Variants in TTLL7 observed in about 807,000 individuals in gnomAD.
TTLL7 encodes tubulin polyglutamylase TTLL7.
TTLL7 carries 53 observed loss-of-function variants against 120.2 expected under a neutral mutation model. The ratio of observed to expected loss-of-function variants is 0.44; its 90% CI spans 0.35 to 0.55. The LOEUF (loss-of-function observed/expected upper bound fraction) is 0.55. TTLL7 is among the 20% of genes least tolerant of loss of function. The probability of loss-of-function intolerance (pLI) is 0.00; values close to 1 mark genes in which losing one functional copy is unlikely to be tolerated. For synonymous variants in TTLL7, 353 were observed against 351.7 expected (o/e 1.00, Z -0.04); for missense variants, 803 against 1,054.7 (o/e 0.76, Z 3.31).
chr1:83,915,603 C>T (rs1217899176), intron 14 of TTLL7, among the ~76,000 whole-genome samples: 17 of 152,070 alleles, frequency 1.1e-4, no homozygotes, highest in Admixed American at 1.1e-3. Context: ...ATGTCTAAAA[C>T]ACCAAAAGCA....
chr1:83,882,503 A>G (rs1037974803), intron 20 of TTLL7, among the ~76,000 whole-genome samples: 7 of 151,966 alleles, frequency 4.6e-5, no homozygotes, highest in Non-Finnish European at 7.4e-5. Context: ...CATTTTTCAA[A>G]TAGAACTTGA....
At chr1:83,919,450 T>C (rs1658462913) in intron 13 of TTLL7, among the ~76,000 whole-genome samples, 1 of 152,146 alleles carries the variant, frequency 6.6e-6, no homozygotes, top group Admixed American at 6.6e-5. Context: ...TGTAAGAAGA[T>C]ACGTTATTAT....
At chr1:83,989,023 A>G (rs1006392978) in intron 1 of TTLL7, among the ~76,000 whole-genome samples, 1 of 151,962 alleles carries the variant, frequency 6.6e-6, no homozygotes, top group African/African-American at 2.4e-5. Context: ...CCCACCTTTT[A>G]ATGGTGTTGT....
At chr1:83,942,304 T>C (rs549454881) in intron 7 of TTLL7, among the ~76,000 whole-genome samples, 159 bp downstream of exon 7, 1 of 152,338 alleles carries the variant, frequency 6.6e-6, no homozygotes, top group Admixed American at 6.5e-5. Flanking sequence ...AAGCTGCCTG[T>C]AAGTTAAAAG....
At chr1:83,958,251 GA>G (rs1649701790) in intron 1 of TTLL7, among the ~76,000 whole-genome samples, 1 of 152,082 alleles carries the variant, frequency 6.6e-6, no homozygotes, top group African/African-American at 2.4e-5. Context: ...CAATGATATT[GA>G]AAAACAAGTT....
In TTLL7 at chr1:83,869,972, C is replaced by A; in HGVS notation, c.2654G>T (p.Gly885Val). The A allele has an allele frequency of 1.9e-6, 3 of 1,592,840 alleles. No individual in the cohort carries two copies. The highest frequency in any genetic ancestry group is 1.7e-6 in the Non-Finnish European group (2 of 1,173,230). Reference sequence around the variant, plus strand: ...ATCTTCCCTTCTGTTTCACAGATGGCCATATCTGGATGTAAACAAAACATT... The same window carrying A: ...ATCTTCCCTTCTGTTTCACAGATGGACATATCTGGATGTAAACAAAACATT... Reference protein sequence around the residue: ...RSNVLFTSRYGHL With the variant: ...RSNVLFTSRYVHL Residue 885 changes from glycine to valine, a missense_variant, in exon 21 of 21, where the codon GGC becomes GTC. Coordinates refer to ENST00000260505, the MANE Select transcript of TTLL7 (RefSeq NM_024686.6).
intron 12 of TTLL7, among the ~76,000 whole-genome samples, chr1:83,920,131 A>G (rs1303578299): frequency 6.6e-6 from 1 of 152,176 alleles, no homozygotes; most frequent in East Asian, 1.9e-4. Flanking sequence ...TATTTTTAGA[A>G]CTTTATGAAG....
intron 4 of TTLL7, chr1:83,949,568 C>T (rs948757341): frequency 3.1e-5 from 9 of 288,606 alleles, no homozygotes; most frequent in Non-Finnish European, 5.8e-5. Context: ...CCTCGTGATC[C>T]ACCCGCCTTG....
intron 10 of TTLL7, among the ~76,000 whole-genome samples, chr1:83,928,691 T>A (rs991020573): frequency 5.4e-5 from 8 of 149,284 alleles, no homozygotes; most frequent in Non-Finnish European, 1.5e-5. Flanking sequence ...CATGTTTGAG[T>A]TTTTTTTTTA....
At chr1:83,897,471 G>A (rs374115976) in intron 18 of TTLL7, among the ~76,000 whole-genome samples, 97 of 152,138 alleles carry the variant, frequency 6.4e-4, no homozygotes, top group African/African-American at 2.3e-3. Flanking sequence ...AATGTATCAC[G>A]CACAGCCTTT....
chr1:83,893,108 G>A (rs1171062306), intron 18 of TTLL7, among the ~76,000 whole-genome samples: 1 of 151,694 alleles, frequency 6.6e-6, no homozygotes, highest in Non-Finnish European at 1.5e-5. Flanking sequence ...GGTTATATAC[G>A]TTATTTCCAA....
intron 1 of TTLL7, among the ~76,000 whole-genome samples, chr1:83,987,250 A>G (rs1300898549): frequency 6.6e-6 from 1 of 151,650 alleles, no homozygotes; most frequent in Non-Finnish European, 1.5e-5. Context: ...TACATGGAAA[A>G]AAAAAAGAAA....
intron 10 of TTLL7, among the ~76,000 whole-genome samples, chr1:83,928,603 A>C (rs12140068): frequency 0.43 from 65,879 of 151,964 alleles, 15,649 homozygotes; most frequent in Non-Finnish European, 0.54. Flanking sequence ...AACTCTCACT[A>C]AACAACTGCC....
chr1:83,919,669 T>G, intron 13 of TTLL7, 30 bp downstream of exon 13: 1 of 1,574,918 alleles, frequency 6.3e-7, no homozygotes, highest in Non-Finnish European at 8.6e-7. Flanking sequence ...CTTTATTCTT[T>G]TTTCTCTATA....
At chr1:83,902,302 T>C (rs1371740492) in intron 18 of TTLL7, 1 of 151,848 alleles carries the variant, frequency 6.6e-6, no homozygotes, top group Non-Finnish European at 1.5e-5. Context: ...CACCACCACA[T>C]TTCCCTTTCC....
At chr1:83,945,868 T>C (rs1292624503) in intron 6 of TTLL7, 1 of 127,992 alleles carries the variant, frequency 7.8e-6, no homozygotes, top group African/African-American at 2.5e-5. Context: ...CAACTCAGCA[T>C]TAAGCAATTG....
chr1:83,951,907 A>T lies in TTLL7; in HGVS notation c.95T>A (p.Val32Asp). The change falls in exon 3 of 21, where the codon GTC becomes GAC. Residue 32 changes from valine to aspartate, a missense_variant. By Grantham distance (152) the Val-to-Asp change is radical (BLOSUM62 -3). Transcript: ENST00000260505. ...LPYQSTMKRK[V>D]RKKKKKGTIT... is the part of the protein sequence containing the mutation. The stretch of plus-strand genomic sequence containing the variant: ...GGTTCCCTTCTTTTTCTTCTTTCTG[A>T]CTTTCCTTTTCATTGTGCTTTGATA... 6.2e-7 allele frequency: 1 copy of T among 1,613,390 alleles called. No homozygotes were observed. The highest frequency in any genetic ancestry group is 8.5e-7 in the Non-Finnish European group (1 of 1,179,742).
Position 83,904,148 on chromosome 1 carries a change from G to A in TTLL7, c.2139C>T (p.Asn713=). The change falls in exon 18 of 21, where the codon AAC becomes AAT. Residue 713 remains asparagine (N), a synonymous_variant. Coordinates refer to ENST00000260505, the MANE Select transcript of TTLL7 (RefSeq NM_024686.6). ...SELLIEDIID[N]WKYHKTKVAS... The stretch of plus-strand genomic sequence containing the variant: ...CCACTTTGGTTTTATGATACTTCCA[G>A]TTATCAATGATCTGTTTGGAAGGAG... 1 of 1,611,340 alleles carries A rather than the reference G, an allele frequency of 6.2e-7. No individual in the cohort carries two copies. The highest frequency in any genetic ancestry group is 8.5e-7 in the Non-Finnish European group (1 of 1,178,454).
chr1:83,870,262 G>A (rs1446365278), intron 20 of TTLL7, among the ~76,000 whole-genome samples, 180 bp from the exon 21 acceptor site: 1 of 152,186 alleles, frequency 6.6e-6, no homozygotes, highest in African/African-American at 2.4e-5. Flanking sequence ...GCTAAATATA[G>A]ATGCAATATA....
Sources: allele counts gnomAD v4.1 joint callset (sites outside exome capture counted in the v4.1 genomes callset), GRCh38; gene constraint gnomAD v4.1.1; transcripts MANE v1.5; gene names NCBI Gene and HGNC (gene_info 2026-07-23, HGNC 2026-07-21).